IQCE: variants seen among roughly 807,000 people sequenced by gnomAD.
The protein encoded by IQCE is IQ domain-containing protein E.
IQCE carries 115 observed loss-of-function variants against 96.0 expected under a neutral mutation model. The ratio of observed to expected loss-of-function variants is 1.20; its 90% CI spans 1.03 to 1.40. The LOEUF (loss-of-function observed/expected upper bound fraction) is 1.40, where lower values mean the gene tolerates loss of function less well. Among genes scored for constraint, IQCE ranks in the 40% most tolerant of loss-of-function variants. The pLI is 0.00. For synonymous variants in IQCE, 412 were observed against 371.2 expected, an observed-to-expected ratio of 1.11 and a Z score of -1.26; for missense variants, 1,041 against 909.1, an observed-to-expected ratio of 1.15 and a Z score of -1.87.
chr7:2,593,448 C>T (rs978248987), intron 15 of IQCE, among the ~76,000 whole-genome samples: 10 of 152,248 alleles, frequency 6.6e-5, no homozygotes, highest in African/African-American at 2.2e-4. Context: ...TAAGAGGGGC[C>T]GCCCGTGCCC....
intron 6 of IQCE, among the ~76,000 whole-genome samples, chr7:2,577,581 T>C: frequency 7.5e-6 from 1 of 133,490 alleles, no homozygotes; most frequent in African/African-American, 3.0e-5. Context: ...GTGTGCGGCG[T>C]GCCCGCATTG....
rs139064713 is a variant in IQCE, at chr7:2,605,183, G to A, written c.1743+192G>A. Among the ~76,000 whole-genome samples the A allele has an allele frequency of 3.0e-3, 456 of 152,336 alleles. 2 individuals are homozygous for A. Among genetic ancestry groups the A allele is most frequent in the Non-Finnish European group, 4.7e-3 (317 of 68,032 alleles). The stretch of plus-strand genomic sequence containing the variant: ...GCGCAGGCCCCTCTGCACAGGCCCC[G>A]GATGGATGTGGCGTTAGGGCCAGAT... On this transcript the variant is annotated intron_variant, in intron 19 of 21. Transcript: ENST00000402050.
At chr7:2,575,302 G>A (rs1421632164) in intron 6 of IQCE, among the ~76,000 whole-genome samples, 3 of 152,306 alleles carry the variant, frequency 2.0e-5, no homozygotes, top group Non-Finnish European at 2.9e-5. Context: ...AGCCATCATC[G>A]ACACCTGCAC....
chr7:2,589,369 G>A (rs1783393439), intron 13 of IQCE, among the ~76,000 whole-genome samples: 1 of 152,036 alleles, frequency 6.6e-6, no homozygotes, highest in South Asian at 2.1e-4. Flanking sequence ...CAAAAAAAAA[G>A]AAGAAAAGGT....
chr7:2,593,402 C>T (rs534165498), intron 15 of IQCE, among the ~76,000 whole-genome samples: 2 of 152,274 alleles, frequency 1.3e-5, no homozygotes, highest in Non-Finnish European at 2.9e-5. Flanking sequence ...TCACACTGGC[C>T]TCTGGTCAGA....
intron 11 of IQCE, among the ~76,000 whole-genome samples, chr7:2,585,048 ATT>A (rs34559707): frequency 2.1e-5 from 3 of 140,522 alleles, no homozygotes; most frequent in Admixed American, 7.2e-5. Flanking sequence ...TGCTCATAAC[ATT>A]TTTTTTTTTT....
intron 1 of IQCE, among the ~76,000 whole-genome samples, chr7:2,564,784 G>T (rs1468092216): frequency 6.6e-6 from 1 of 152,086 alleles, no homozygotes; most frequent in Non-Finnish European, 1.5e-5. Context: ...TGTTGAGTGG[G>T]GTGTTCTGTA....
chr7:2,606,528 G>A (rs888977685), intron 20 of IQCE, among the ~76,000 whole-genome samples: 1 of 152,076 alleles, frequency 6.6e-6, no homozygotes, highest in Admixed American at 6.5e-5. Flanking sequence ...GGGAAGAGAC[G>A]GCCCCGCTCC....
At chr7:2,586,841 G>A (rs908621113) in intron 12 of IQCE, among the ~76,000 whole-genome samples, 2 of 152,172 alleles carry the variant, frequency 1.3e-5, no homozygotes, top group East Asian at 1.9e-4. Context: ...TGGGAGACAC[G>A]TGGAGTGTGG....
rs536924228 is a variant in IQCE at position 2,570,269 on chromosome 7, C to T, written c.131-1257C>T. On this transcript the variant is annotated intron_variant, in intron 3 of 21. Coordinates refer to ENST00000402050, the MANE Select transcript of IQCE (RefSeq NM_152558.5). ...TGGCATCTCTCCACCACCCTGTCTC[C>T]GTCCTCTCTTCTTCCCTCCCCGCTT... Among the ~76,000 whole-genome samples the T allele has an allele frequency of 1.2e-4, 18 of 152,208 alleles. No homozygotes were observed. The East Asian group carries it at 3.1e-3, about 26-fold the overall frequency.
intron 6 of IQCE, among the ~76,000 whole-genome samples, chr7:2,576,067 T>C (rs4719583): frequency 0.38 from 57,210 of 152,124 alleles, 11,227 homozygotes; most frequent in Non-Finnish European, 0.44. Context: ...CTTGCTATCA[T>C]GCCTCCTGAA....
At chr7:2,597,823 C>T (rs1583492658) in intron 16 of IQCE, among the ~76,000 whole-genome samples, 1 of 152,102 alleles carries the variant, frequency 6.6e-6, no homozygotes, top group Non-Finnish European at 1.5e-5. Flanking sequence ...TGTGCCACCA[C>T]ACCCGGGTAT....
intron 8 of IQCE, chr7:2,581,971 C>G (rs1782702385): frequency 1.6e-5 from 7 of 426,356 alleles, no homozygotes; most frequent in South Asian, 8.8e-5. Flanking sequence ...CTCGGCCTCC[C>G]AAAGTGCTGG....
rs768682923 is a variant in IQCE at position 2,583,687 on chromosome 7, C to T, written c.752C>T (p.Ala251Val). The T allele has an allele frequency of 6.4e-6, 10 of 1,570,844 alleles. No individual in the cohort carries two copies. Residue 251 changes from alanine to valine, a missense_variant, in exon 10 of 22, where the codon GCC (alanine) becomes GTC (valine). By Grantham distance (64) the Ala-to-Val change is moderately conservative. Transcript: ENST00000402050. ...KTTNLEEMRI[A>V]METYYEEVHR... ...ACCAACCTGGAAGAGATGCGGATCG[C>T]CATGGAGACATACTACGAGGAGGTG...
At chr7:2,568,102 G>A (rs995077849) in intron 2 of IQCE, among the ~76,000 whole-genome samples, 5 of 152,176 alleles carry the variant, frequency 3.3e-5, no homozygotes, top group African/African-American at 7.2e-5. Flanking sequence ...GCCACGGCAC[G>A]ACGGGTTGTG....
At chr7:2,606,430 C>T (rs1260317317) in intron 20 of IQCE, among the ~76,000 whole-genome samples, 1 of 152,148 alleles carries the variant, frequency 6.6e-6, no homozygotes, top group Admixed American at 6.5e-5. Context: ...AGCGTTCCCA[C>T]AGGCCTCTTG....
chr7:2,564,611 T>A (rs547405139), intron 1 of IQCE, among the ~76,000 whole-genome samples: 1 of 151,874 alleles, frequency 6.6e-6, no homozygotes, highest in East Asian at 1.9e-4. Flanking sequence ...AAAAAAAAAA[T>A]CTATACATTT....
rs562241452 is a variant in IQCE, at chr7:2,593,207, A to C, written c.1349+81A>C. ...CCACTGCGGCCCCCCGTGGCGTCTCAGCCTTGCTGCCAGCCGGCTTCTTAG... is the reference window on the plus strand; with the variant it reads ...CCACTGCGGCCCCCCGTGGCGTCTCCGCCTTGCTGCCAGCCGGCTTCTTAG... On this transcript the variant is annotated intron_variant, in intron 15 of 21. Transcript: ENST00000402050. 83 of 1,499,718 alleles carry C rather than the reference A, an allele frequency of 5.5e-5. No individual in the cohort carries two copies. The South Asian group carries it at 1.1e-3, about 19-fold the overall frequency. The allele number at this position is 1,499,718 out of a possible 1,614,324, so 92.9% of individuals were successfully genotyped here. A position where few individuals can be genotyped will look rare whatever the true frequency, so the allele number is the denominator to read the frequency against.
At chr7:2,607,595 A>G in intron 21 of IQCE, 1 of 1,189,016 alleles carries the variant, frequency 8.4e-7, no homozygotes, top group Non-Finnish European at 1.0e-6. Context: ...CAGTCAGTGA[A>G]GAAGCCGCTG....
Sources: gnomAD v4.1 joint callset for allele counts (sites outside exome capture counted in the v4.1 genomes callset) on GRCh38, gnomAD v4.1.1 for gene constraint, MANE v1.5 for transcripts, NCBI Gene and HGNC (gene_info 2026-07-23, HGNC 2026-07-21) for gene names.